Variants in CSNK2A1 observed in about 807,000 individuals in gnomAD.
CSNK2A1 encodes casein kinase II subunit alpha.
In CSNK2A1, 10 loss-of-function variants were observed where a neutral mutation model predicts 62.9. That is an observed-to-expected ratio of 0.16 (90% CI 0.10 to 0.27). The LOEUF (loss-of-function observed/expected upper bound fraction) is 0.27, where lower values mean the gene tolerates loss of function less well. Ranked by LOEUF, CSNK2A1 falls within the 10% of genes least tolerant of loss-of-function variation. The pLI, the probability that CSNK2A1 is intolerant of heterozygous loss-of-function variation, is 1.00. For missense variants in CSNK2A1, 160 were observed against 492.0 expected (o/e 0.33, Z 6.38); for synonymous variants, 124 against 167.8 (o/e 0.74, Z 2.02).
At chr20:519,492 T>A (rs973440843) in intron 2 of CSNK2A1, among the ~76,000 whole-genome samples, 1 of 152,324 alleles carries the variant, frequency 6.6e-6, no homozygotes, top group African/African-American at 2.4e-5. Flanking sequence ...TACAGGAAGA[T>A]TGCTTGTGCC....
At position 472,931 on chromosome 20, in the gene CSNK2A1, C is replaced by T. The variant is rs1291424921; in HGVS notation, c.*11030G>A. 6.6e-6 allele frequency: 1 copy of T among 152,326 alleles called. No individual in the cohort carries two copies. Among genetic ancestry groups the T allele is most frequent in the Non-Finnish European group, 1.5e-5 (1 of 68,168 alleles). 9.4% of individuals were successfully genotyped at this position (152,326 alleles called of 1,614,324 possible). On this transcript the variant is annotated 3_prime_UTR_variant, in exon 14 of 14. Transcript: ENST00000217244. ...GCTGAAGCAGGAGGATTGCTTGAGC[C>T]CAGGAGTTTGAGGCTGCAGTGAGCT...
intron 13 of CSNK2A1, among the ~76,000 whole-genome samples, chr20:484,559 C>T (rs1413184737): frequency 1.3e-5 from 2 of 152,312 alleles, no homozygotes; most frequent in East Asian, 3.9e-4. Flanking sequence ...TGCTCTTACA[C>T]CATGCTGTCT....
chr20:512,387 T>G (rs762665345), intron 2 of CSNK2A1, among the ~76,000 whole-genome samples: 2 of 152,214 alleles, frequency 1.3e-5, no homozygotes, highest in Non-Finnish European at 2.9e-5. Context: ...ATTTTTTGAT[T>G]GGGTTGTTTT....
intron 1 of CSNK2A1, chr20:541,239 G>T (rs1432771747): frequency 2.0e-5 from 3 of 152,086 alleles, no homozygotes; most frequent in Non-Finnish European, 4.4e-5. Context: ...GAAAATCCAG[G>T]ATAATTTTTC....
chr20:509,209 G>C (rs2018666842), intron 2 of CSNK2A1, among the ~76,000 whole-genome samples: 2 of 152,074 alleles, frequency 1.3e-5, no homozygotes, highest in Admixed American at 1.3e-4. Context: ...GGAACCTTAA[G>C]GTAATAATCA....
Position 499,745 on chromosome 20 carries a change from G to T in CSNK2A1, c.315+88C>A. The stretch of plus-strand genomic sequence containing the variant: ...AAAGCAGGACTTAATGATGAGGGTT[G>T]GGGGAGGGAACAAAAAGAGGCCAGT... On this transcript the variant is annotated intron_variant, in intron 5 of 13. Coordinates refer to ENST00000217244, the MANE Select transcript of CSNK2A1 (RefSeq NM_177559.3). The surrounding 1 kb of genome is among the most constrained non-coding windows in gnomAD (Gnocchi z 4.2). The T allele has an allele frequency of 1.7e-6, 2 of 1,193,258 alleles. No individual in the cohort carries two copies. The highest frequency in any genetic ancestry group is 2.5e-6 in the Non-Finnish European group (2 of 804,082). The allele number at this position is 1,193,258 out of a possible 1,614,324, so 73.9% of individuals were successfully genotyped here.
chr20:515,472 T>G (rs995841988), intron 2 of CSNK2A1, among the ~76,000 whole-genome samples: 2 of 152,210 alleles, frequency 1.3e-5, no homozygotes, highest in Non-Finnish European at 2.9e-5. Flanking sequence ...AAGCATTAGT[T>G]TCTCTAATCT....
At chr20:519,854 C>A (rs2018908637) in intron 2 of CSNK2A1, among the ~76,000 whole-genome samples, 1 of 151,978 alleles carries the variant, frequency 6.6e-6, no homozygotes, top group African/African-American at 2.4e-5. Flanking sequence ...AATAACAATA[C>A]CTTGAGGAGC....
At chr20:524,752 G>T (rs892544892) in intron 2 of CSNK2A1, among the ~76,000 whole-genome samples, 6 of 150,186 alleles carry the variant, frequency 4.0e-5, no homozygotes, top group South Asian at 2.1e-4. Context: ...AAAACATGGG[G>T]TATATATTAT....
Position 487,418 on chromosome 20 carries a change from T to C in CSNK2A1, c.973+9A>G. On this transcript the variant is annotated intron_variant, in intron 12 of 13. Transcript: ENST00000217244. ...GCACAAACTCTGTGGGCTAGATATC[T>C]GGACTCACAGAAATAGGGGTGCTCC... 6.2e-7 allele frequency: 1 copy of C among 1,613,500 alleles called. No homozygotes were observed. Among genetic ancestry groups the C allele is most frequent in the Non-Finnish European group, 8.5e-7 (1 of 1,180,016 alleles).
chr20:493,788 G>C (rs2018288085), intron 8 of CSNK2A1, among the ~76,000 whole-genome samples: 1 of 152,062 alleles, frequency 6.6e-6, no homozygotes, highest in African/African-American at 2.4e-5. Flanking sequence ...CCAACCCCTG[G>C]CAACCCCTCT....
At chr20:500,041 A>C (rs1252889658) in intron 4 of CSNK2A1, 107 bp from the exon 5 acceptor site, 8 of 797,498 alleles carry the variant, frequency 1.0e-5, no homozygotes, top group Non-Finnish European at 1.6e-5. Flanking sequence ...TTATGAGCAC[A>C]CCTTGAAGGA....
At position 476,554 on chromosome 20, in the gene CSNK2A1, C is replaced by G. The variant is rs1304828621; in HGVS notation, c.*7407G>C. On this transcript the variant is annotated 3_prime_UTR_variant, in exon 14 of 14. Transcript: ENST00000217244. ...GATTACAGGCGTGAGCCACCATGCC[C>G]GGCACCTAGTGAGTTTTTCTGTTAC... 6.6e-6 allele frequency: 1 copy of G among 152,226 alleles called. No individual in the cohort carries two copies. The highest frequency in any genetic ancestry group is 1.5e-5 in the Non-Finnish European group (1 of 68,156). 9.4% of individuals were successfully genotyped at this position (152,226 alleles called of 1,614,324 possible).
chr20:475,908 A>G lies in CSNK2A1; in HGVS notation c.*8053T>C, dbSNP rs1195114196. The G allele has an allele frequency of 6.6e-6, 1 of 152,250 alleles. No homozygotes were observed. The highest frequency in any genetic ancestry group is 2.4e-5 in the African/African-American group (1 of 41,452). 9.4% of individuals were successfully genotyped at this position (152,250 alleles called of 1,614,324 possible). A position where few individuals can be genotyped will look rare whatever the true frequency, so the allele number is the denominator to read the frequency against. ...AGGTGTCCAGCCCAGCCGACCCACA[A>G]CCTGAAAAACAGCTGCTTGGGCTGA... On this transcript the variant is annotated 3_prime_UTR_variant, in exon 14 of 14. Transcript: ENST00000217244.
rs367861851 is a variant in CSNK2A1 at position 525,638 on chromosome 20, G to A, written c.-110+2295C>T. 1.6e-3 allele frequency among the ~76,000 whole-genome samples: 205 copies of A among 125,440 alleles called. 1 individual carries two copies. The highest frequency in any genetic ancestry group is 4.6e-3 in the African/African-American group (149 of 32,252). The allele number at this position is 125,440 out of a possible 152,430, so 82.3% of individuals were successfully genotyped here. On this transcript the variant is annotated intron_variant, in intron 2 of 13. Transcript: ENST00000217244. The stretch of plus-strand genomic sequence containing the variant: ...TGCACTCCAGCCTGGGCGACAGAGC[G>A]AGACTCCATCTCAAAAAAAAAAAAA...
In CSNK2A1 at chr20:482,748, T is replaced by G. The variant is rs950582833; in HGVS notation, c.*1213A>C. The G allele has an allele frequency of 6.6e-6, 1 of 152,644 alleles. No homozygotes were observed. Among genetic ancestry groups the G allele is most frequent in the African/African-American group, 2.4e-5 (1 of 41,448 alleles). 9.5% of individuals were successfully genotyped at this position (152,644 alleles called of 1,614,324 possible). On this transcript the variant is annotated 3_prime_UTR_variant, in exon 14 of 14. Coordinates refer to ENST00000217244, the MANE Select transcript of CSNK2A1 (RefSeq NM_177559.3). ...ACCAAAGAATTCCAACACTGGATCT[T>G]TCACATATGAAGGACAAAGTATTAT...
At chr20:517,075 A>G (rs2018842962) in intron 2 of CSNK2A1, among the ~76,000 whole-genome samples, 1 of 152,214 alleles carries the variant, frequency 6.6e-6, no homozygotes, top group Admixed American at 6.5e-5. Flanking sequence ...TTTCCAAGCA[A>G]TCAGGCAACA....
chr20:495,691 A>C, intron 8 of CSNK2A1, 28 bp downstream of exon 8: 1 of 1,599,144 alleles, frequency 6.3e-7, no homozygotes, highest in Non-Finnish European at 8.6e-7. Context: ...CATGTAGATA[A>C]ATAACACTTG....
At chr20:489,570 A>G (rs1197519509) in intron 10 of CSNK2A1, 1 of 436,522 alleles carries the variant, frequency 2.3e-6, no homozygotes, top group Non-Finnish European at 4.1e-6. Context: ...GACAATTTAT[A>G]TGTATTCTTC....
Sources: allele counts gnomAD v4.1 joint callset (sites outside exome capture counted in the v4.1 genomes callset), GRCh38; gene constraint gnomAD v4.1.1; non-coding constraint Gnocchi (gnomAD v3.1); transcripts MANE v1.5; gene names NCBI Gene and HGNC (gene_info 2026-07-23, HGNC 2026-07-21).